Variants in ARL13B observed in about 807,000 individuals in gnomAD.
ARL13B encodes the protein ADP-ribosylation factor-like protein 13B.
ARL13B carries 36 observed loss-of-function variants against 56.1 expected under a neutral mutation model. The ratio of observed to expected loss-of-function variants is 0.64; its 90% CI spans 0.49 to 0.85. ARL13B has a LOEUF of 0.85. Among genes scored for constraint, ARL13B ranks in the 40% least tolerant of loss-of-function variants. The pLI, the probability that ARL13B is intolerant of heterozygous loss-of-function variation, is 0.00. For synonymous variants in ARL13B, 178 were observed against 171.1 expected (o/e 1.04, Z -0.32); for missense variants, 519 against 507.1 (o/e 1.02, Z -0.23).
At chr3:94,012,739 C>T (rs549825738) in intron 3 of ARL13B, among the ~76,000 whole-genome samples, 2 of 152,162 alleles carry the variant, frequency 1.3e-5, no homozygotes, top group African/African-American at 4.8e-5. Flanking sequence ...TTGCTGCCAC[C>T]ATCACCACCT....
At chr3:93,987,400 T>C (rs1376587520) in intron 1 of ARL13B, among the ~76,000 whole-genome samples, 9 of 152,216 alleles carry the variant, frequency 5.9e-5, no homozygotes, top group Non-Finnish European at 1.2e-4. Flanking sequence ...TTGTGTTGAC[T>C]TGAACAATAT....
At chr3:94,022,416 G>A (rs986904284) in intron 3 of ARL13B, among the ~76,000 whole-genome samples, 6 of 152,122 alleles carry the variant, frequency 3.9e-5, no homozygotes, top group Admixed American at 1.3e-4. Flanking sequence ...GTGAGCCACC[G>A]CACCCGGCTG....
At chr3:94,043,390 C>A in intron 7 of ARL13B, 150 bp downstream of exon 7, 1 of 765,156 alleles carries the variant, frequency 1.3e-6, no homozygotes, top group African/African-American at 1.8e-5. Flanking sequence ...TTCTCAAGGT[C>A]TTTTATTATT....
At chr3:94,007,410 C>T (rs2076153114) in intron 3 of ARL13B, among the ~76,000 whole-genome samples, 2 of 152,134 alleles carry the variant, frequency 1.3e-5, no homozygotes, top group African/African-American at 4.8e-5. Flanking sequence ...AGGCCTTGGC[C>T]AGTGTCTCAT....
chr3:93,992,752 T>G (rs1399029916), intron 1 of ARL13B, among the ~76,000 whole-genome samples: 1 of 152,178 alleles, frequency 6.6e-6, no homozygotes, highest in Non-Finnish European at 1.5e-5. Context: ...TCATTATATC[T>G]CTAGTAACTT....
At chr3:94,023,325 G>C (rs2076488366) in intron 3 of ARL13B, among the ~76,000 whole-genome samples, 1 of 151,912 alleles carries the variant, frequency 6.6e-6, no homozygotes, top group Admixed American at 6.6e-5. Context: ...ATATTTTGTA[G>C]ATCTGTTTTT....
At chr3:93,996,367 A>G (rs1033129855) in intron 2 of ARL13B, among the ~76,000 whole-genome samples, 1 of 152,138 alleles carries the variant, frequency 6.6e-6, no homozygotes, top group South Asian at 2.1e-4. Context: ...GAATCTCTTG[A>G]TGCTTTTTTT....
In ARL13B at chr3:94,053,374, ATAAT is replaced by A. The variant is rs773993962; in HGVS notation, c.*113_*116del. The A allele has an allele frequency of 2.8e-5, 27 of 955,674 alleles. No homozygotes were observed. The African/African-American group carries it at 4.0e-4, about 14-fold the overall frequency. The allele number at this position is 955,674 out of a possible 1,614,324, so 59.2% of individuals were successfully genotyped here. On this transcript the variant is annotated 3_prime_UTR_variant, in exon 10 of 10. Transcript: ENST00000394222. Reference sequence around the variant, plus strand: ...TGATGACTGGGGCAAGATAACCATAATAATTTTAGTGAGAAGATTAATACTCAAG... The same window carrying A: ...TGATGACTGGGGCAAGATAACCATAATTTAGTGAGAAGATTAATACTCAAG...
chr3:94,010,800 AAAT>A (rs1373190579), intron 3 of ARL13B, among the ~76,000 whole-genome samples: 3 of 152,096 alleles, frequency 2.0e-5, no homozygotes, highest in South Asian at 2.1e-4. Flanking sequence ...TGCTGAAAGA[AAAT>A]AACTATTTTA....
chr3:93,991,964 C>T (rs2075884829), intron 1 of ARL13B, among the ~76,000 whole-genome samples: 1 of 152,028 alleles, frequency 6.6e-6, no homozygotes, highest in Admixed American at 6.6e-5. Context: ...TAACTAGTTG[C>T]AAAGGTAGTA....
At chr3:94,043,906 C>T (rs2076923075) in intron 7 of ARL13B, among the ~76,000 whole-genome samples, 2 of 151,282 alleles carry the variant, frequency 1.3e-5, no homozygotes, top group South Asian at 4.2e-4. Flanking sequence ...GATCCGCCCA[C>T]CTCGGCCTCC....
intron 1 of ARL13B, chr3:93,988,786 A>ATTT: frequency 1.3e-4 from 44 of 341,552 alleles, no homozygotes; most frequent in Non-Finnish European, 1.7e-4. Flanking sequence ...ATTTGTTTGC[A>ATTT]TTTTTTTTTT....
intron 3 of ARL13B, among the ~76,000 whole-genome samples, chr3:94,004,879 A>T (rs1374093901): frequency 3.3e-5 from 5 of 152,140 alleles, no homozygotes; most frequent in African/African-American, 9.6e-5. Flanking sequence ...AGAACTTTTA[A>T]CAGGGATATG....
At chr3:94,026,364 C>T (rs542425800) in intron 3 of ARL13B, among the ~76,000 whole-genome samples, 3 of 152,172 alleles carry the variant, frequency 2.0e-5, no homozygotes, top group African/African-American at 7.2e-5. Context: ...TGCATTTTGA[C>T]TGAAAGTCAC....
intron 2 of ARL13B, among the ~76,000 whole-genome samples, chr3:93,998,573 CACTT>C (rs1447303665): frequency 6.6e-6 from 1 of 152,140 alleles, no homozygotes; most frequent in Non-Finnish European, 1.5e-5. Context: ...GTGTTGTTCT[CACTT>C]ACCTAACTAG....
intron 3 of ARL13B, among the ~76,000 whole-genome samples, chr3:94,025,346 A>T (rs192920958): frequency 2.1e-4 from 32 of 152,338 alleles, no homozygotes; most frequent in Admixed American, 2.0e-3. Context: ...AGTGTTATAC[A>T]TCATGGCAAT....
intron 3 of ARL13B, among the ~76,000 whole-genome samples, chr3:94,032,822 A>G (rs909757503): frequency 6.6e-6 from 1 of 152,206 alleles, no homozygotes; most frequent in Non-Finnish European, 1.5e-5. Flanking sequence ...AAAGACCTAA[A>G]AAAAGAACTA....
At chr3:94,050,325 A>G (rs1472103962) in intron 8 of ARL13B, among the ~76,000 whole-genome samples, 2 of 152,128 alleles carry the variant, frequency 1.3e-5, no homozygotes, top group Admixed American at 6.5e-5. Context: ...ACTGGGACTT[A>G]ACTTGCACAA....
intron 2 of ARL13B, among the ~76,000 whole-genome samples, chr3:94,000,977 C>A (rs919028069): frequency 6.6e-6 from 1 of 152,030 alleles, no homozygotes; most frequent in Non-Finnish European, 1.5e-5. Flanking sequence ...GGGACAGGAG[C>A]TTCAGTTATC....
Sources: allele counts gnomAD v4.1 joint callset (sites outside exome capture counted in the v4.1 genomes callset), GRCh38; gene constraint gnomAD v4.1.1; transcripts MANE v1.5; gene names NCBI Gene and HGNC (gene_info 2026-07-23, HGNC 2026-07-21).